The following ARHGEF10L variants were observed in gnomAD, a reference collection of about 807,000 sequenced individuals.
The protein encoded by ARHGEF10L is Rho guanine nucleotide exchange factor 10 like.
A neutral mutation model predicts 141.2 loss-of-function variants in ARHGEF10L; 69 were observed. The ratio of observed to expected loss-of-function variants is 0.49; its 90% CI spans 0.40 to 0.60. The LOEUF (loss-of-function observed/expected upper bound fraction) is 0.60, where lower values mean the gene tolerates loss of function less well. ARHGEF10L is among the 20% of genes least tolerant of loss of function. The pLI is 0.00. For missense variants in ARHGEF10L, 1,482 were observed against 1,734.3 expected, an observed-to-expected ratio of 0.85 and a Z score of 2.58; for synonymous variants, 711 against 718.5, an observed-to-expected ratio of 0.99 and a Z score of 0.17.
At chr1:17,646,504 G>A (rs2061606617) in intron 21 of ARHGEF10L, among the ~76,000 whole-genome samples, 1 of 152,154 alleles carries the variant, frequency 6.6e-6, no homozygotes, top group Non-Finnish European at 1.5e-5. Context: ...AAGGAAATAG[G>A]GTGGGAGGTT....
chr1:17,622,891 C>A, intron 11 of ARHGEF10L, 105 bp from the exon 12 acceptor site: 1 of 1,229,218 alleles, frequency 8.1e-7, no homozygotes, highest in South Asian at 1.5e-5. Flanking sequence ...GCCTCCCCTC[C>A]GTGCCACGGG....
At chr1:17,570,787 C>T (rs755251064) in intron 1 of ARHGEF10L, among the ~76,000 whole-genome samples, 1 of 151,872 alleles carries the variant, frequency 6.6e-6, no homozygotes, top group Non-Finnish European at 1.5e-5. Context: ...GGGTGAGATG[C>T]GCTCGGATTC....
intron 21 of ARHGEF10L, among the ~76,000 whole-genome samples, chr1:17,648,054 C>T (rs942907175): frequency 2.6e-5 from 4 of 152,186 alleles, no homozygotes; most frequent in Admixed American, 2.6e-4. Flanking sequence ...TCCATCACCA[C>T]CATGGTCAAG....
intron 16 of ARHGEF10L, among the ~76,000 whole-genome samples, chr1:17,633,364 G>C (rs1202519545): frequency 6.6e-6 from 1 of 152,118 alleles, no homozygotes; most frequent in Non-Finnish European, 1.5e-5. Context: ...TATTTTTTGA[G>C]ATGGAATCTT....
intron 27 of ARHGEF10L, among the ~76,000 whole-genome samples, chr1:17,690,535 C>T (rs1432553660): frequency 6.6e-6 from 1 of 152,286 alleles, no homozygotes; most frequent in Non-Finnish European, 1.5e-5. Flanking sequence ...GTGTGCCATT[C>T]CTGTCGCATC....
At chr1:17,689,094 C>G in intron 27 of ARHGEF10L, among the ~76,000 whole-genome samples, 1 of 152,110 alleles carries the variant, frequency 6.6e-6, no homozygotes, top group South Asian at 2.1e-4. Flanking sequence ...TTCAGCAGGC[C>G]GGGCGTCTTG....
intron 1 of ARHGEF10L, among the ~76,000 whole-genome samples, chr1:17,562,238 G>A (rs1401958902): frequency 1.3e-5 from 2 of 152,144 alleles, no homozygotes; most frequent in Non-Finnish European, 2.9e-5. Context: ...AGCATGATGA[G>A]ACCCCGTCTC....
intron 27 of ARHGEF10L, among the ~76,000 whole-genome samples, chr1:17,688,523 C>A (rs926192549): frequency 1.3e-5 from 2 of 152,204 alleles, no homozygotes; most frequent in African/African-American, 4.8e-5. Context: ...GACTGACCTG[C>A]GGCCAGTGTG....
Position 17,656,513 on chromosome 1 carries a change from G to C in ARHGEF10L, c.2706-41G>C. On this transcript the variant is annotated intron_variant, in intron 24 of 28. Transcript: ENST00000361221. This position sits in a 1 kb window ranked among gnomAD's most constrained non-coding sequence, Gnocchi z 4.9. ...ATGGGGGCAGTGAGTGGGTGGGAGT[G>C]CTCAGTGTGTCATGACCGCTTCTCC... 6.3e-7 allele frequency: 1 copy of C among 1,585,296 alleles called. No homozygotes were observed. The highest frequency in any genetic ancestry group is 1.1e-5 in the South Asian group (1 of 87,282).
At chr1:17,609,516 T>A (rs960222791) in intron 7 of ARHGEF10L, among the ~76,000 whole-genome samples, 2 of 152,168 alleles carry the variant, frequency 1.3e-5, no homozygotes, top group African/African-American at 4.8e-5. Flanking sequence ...TTACGGTCCA[T>A]AGGAGACACT....
chr1:17,538,538 G>C (rs1327427692), upstream of ARHGEF10L, among the ~76,000 whole-genome samples: 1 of 152,076 alleles, frequency 6.6e-6, no homozygotes, highest in East Asian at 1.9e-4. Flanking sequence ...ATTTCAGTGC[G>C]TGGCCTGTGT....
chr1:17,656,215 C>G lies in ARHGEF10L; in HGVS notation c.2705+113C>G. 1 of 1,285,362 alleles carries G rather than the reference C, an allele frequency of 7.8e-7. No individual in the cohort carries two copies. Among genetic ancestry groups the G allele is most frequent in the Non-Finnish European group, 1.1e-6 (1 of 935,338 alleles). 79.6% of individuals were successfully genotyped at this position (1,285,362 alleles called of 1,614,324 possible). On this transcript the variant is annotated intron_variant, in intron 24 of 28. Coordinates refer to ENST00000361221, the MANE Select transcript of ARHGEF10L (RefSeq NM_018125.4). The surrounding 1 kb of genome is among the most constrained non-coding windows in gnomAD (Gnocchi z 4.9). The stretch of plus-strand genomic sequence containing the variant: ...TGTTGCCCACCAACATTCTCTGCCC[C>G]TGGTCTCCAGGAAGGTGGGCACCAG...
At chr1:17,628,836 G>A (rs74720368) in intron 15 of ARHGEF10L, among the ~76,000 whole-genome samples, 2,232 of 152,224 alleles carry the variant, frequency 0.015, 69 homozygotes, top group African/African-American at 0.051. Context: ...AGTATAGAAT[G>A]CTGTCTAACC....
Position 17,572,404 on chromosome 1 carries a change from C to A in ARHGEF10L, c.-43-8149C>A, listed in dbSNP as rs547679155. ...CGTGGTGCGGGCCCCTTCCTGCTGT[C>A]CCTCTGTTGTGCTTTAGGTGAGTTC... is the stretch of plus-strand genomic sequence containing the variant. On this transcript the variant is annotated intron_variant, in intron 1 of 28. Coordinates refer to ENST00000361221, the MANE Select transcript of ARHGEF10L (RefSeq NM_018125.4). Among the ~76,000 whole-genome samples, 9 of 152,300 alleles carry A rather than the reference C, an allele frequency of 5.9e-5. No homozygotes were observed. In the South Asian group the frequency reaches 1.7e-3, roughly 28 times the overall value.
intron 9 of ARHGEF10L, among the ~76,000 whole-genome samples, chr1:17,617,014 C>T (rs1055977693): frequency 6.6e-5 from 10 of 152,144 alleles, no homozygotes; most frequent in African/African-American, 1.9e-4. Context: ...CACATTCCCA[C>T]GCAGCAGATG....
At position 17,625,750 on chromosome 1, in the gene ARHGEF10L, G is replaced by A. The variant is rs1002868706; in HGVS notation, c.1318-206G>A. On this transcript the variant is annotated intron_variant, in intron 13 of 28. Coordinates refer to ENST00000361221, the MANE Select transcript of ARHGEF10L (RefSeq NM_018125.4). This position sits in a 1 kb window ranked among gnomAD's most constrained non-coding sequence, Gnocchi z 4.5. ...AGATGACTGCTTTAGTCTCCTGAGGGTGCGCGGCCATGCAGGGGCACTGGT... is the reference window on the plus strand; with the variant it reads ...AGATGACTGCTTTAGTCTCCTGAGGATGCGCGGCCATGCAGGGGCACTGGT... 1.3e-5 allele frequency among the ~76,000 whole-genome samples: 2 copies of A among 152,186 alleles called. No individual in the cohort carries two copies. The highest frequency in any genetic ancestry group is 4.1e-4 in the South Asian group (2 of 4,830).
chr1:17,697,650 G>A lies in ARHGEF10L; in HGVS notation c.*270G>A. The A allele has an allele frequency of 1.7e-6, 1 of 605,764 alleles. No homozygotes were observed. 37.5% of individuals were successfully genotyped at this position (605,764 alleles called of 1,614,324 possible). A position where few individuals can be genotyped will look rare whatever the true frequency, so the allele number is the denominator to read the frequency against. On this transcript the variant is annotated 3_prime_UTR_variant, in exon 29 of 29. Coordinates refer to ENST00000361221, the MANE Select transcript of ARHGEF10L (RefSeq NM_018125.4). This position sits in a 1 kb window ranked among gnomAD's most constrained non-coding sequence, Gnocchi z 4.8. ...AAACACAAAACCTCACAACTGCCTG[G>A]CAAGCCCAGTATCACTTGTTTGGGC... is the stretch of plus-strand genomic sequence containing the variant.
chr1:17,567,697 G>A (rs1390756491), intron 1 of ARHGEF10L, among the ~76,000 whole-genome samples: 2 of 152,168 alleles, frequency 1.3e-5, no homozygotes, highest in African/African-American at 4.8e-5. Flanking sequence ...ATCCAGTCAG[G>A]AAGTGGAACC....
At chr1:17,629,260 C>G (rs2060549357) in intron 15 of ARHGEF10L, among the ~76,000 whole-genome samples, 1 of 151,452 alleles carries the variant, frequency 6.6e-6, no homozygotes, top group Non-Finnish European at 1.5e-5. Context: ...CTCCTGGGAT[C>G]AAGTGATCCT....
Sources: allele counts gnomAD v4.1 joint callset (sites outside exome capture counted in the v4.1 genomes callset), GRCh38; gene constraint gnomAD v4.1.1; non-coding constraint Gnocchi (gnomAD v3.1); transcripts MANE v1.5; gene names NCBI Gene and HGNC (gene_info 2026-07-23, HGNC 2026-07-21).